The following COL23A1 variants were observed in gnomAD, a reference collection of about 807,000 sequenced individuals.
COL23A1 encodes the protein collagen alpha-1(XXIII) chain.
A neutral mutation model predicts 99.3 loss-of-function variants in COL23A1; 97 were observed. The observed-to-expected ratio is 0.98, with a 90% CI of 0.83 to 1.16. The LOEUF (loss-of-function observed/expected upper bound fraction) is 1.16, where lower values mean the gene tolerates loss of function less well. Among genes scored for constraint, COL23A1 ranks in the 50% most tolerant of loss-of-function variants. COL23A1 has a pLI of 0.00. For missense variants in COL23A1, 762 were observed against 757.4 expected, an observed-to-expected ratio of 1.01 and a Z score of -0.07; for synonymous variants, 320 against 308.2, an observed-to-expected ratio of 1.04 and a Z score of -0.40.
intron 2 of COL23A1, among the ~76,000 whole-genome samples, chr5:178,447,831 C>T (rs1767248652): frequency 1.3e-5 from 2 of 152,140 alleles, no homozygotes; most frequent in Non-Finnish European, 2.9e-5. Flanking sequence ...TGGTAGAGTA[C>T]TGCCTAGGCT....
chr5:178,543,068 G>A (rs1761379841), intron 2 of COL23A1, among the ~76,000 whole-genome samples: 2 of 151,872 alleles, frequency 1.3e-5, no homozygotes, highest in East Asian at 3.9e-4. Context: ...GTGTGTGTTC[G>A]AGGGTTGGAG....
At chr5:178,283,565 T>G (rs1757009635) in intron 5 of COL23A1, among the ~76,000 whole-genome samples, 1 of 152,216 alleles carries the variant, frequency 6.6e-6, no homozygotes. Context: ...GTAAGTACAT[T>G]AAATGATATC....
intron 2 of COL23A1, among the ~76,000 whole-genome samples, chr5:178,393,979 C>T (rs997872357): frequency 3.9e-5 from 6 of 152,206 alleles, no homozygotes; most frequent in South Asian, 2.1e-4. Flanking sequence ...GGGGAGGACC[C>T]ACCCCAACCC....
intron 2 of COL23A1, among the ~76,000 whole-genome samples, chr5:178,348,322 C>T (rs1356298186): frequency 2.6e-5 from 4 of 152,188 alleles, no homozygotes; most frequent in African/African-American, 7.2e-5. Flanking sequence ...AAAAGAACCC[C>T]TCCTCTACCT....
chr5:178,476,541 C>T (rs992260991), intron 2 of COL23A1, among the ~76,000 whole-genome samples: 1 of 152,176 alleles, frequency 6.6e-6, no homozygotes, highest in Admixed American at 6.5e-5. Context: ...ATCATATCCA[C>T]GGACCTGCCT....
rs534610713 is a variant in COL23A1, at chr5:178,310,588, C to T, written c.362-3669G>A. On this transcript the variant is annotated intron_variant, in intron 2 of 28. Coordinates refer to ENST00000390654, the MANE Select transcript of COL23A1 (RefSeq NM_173465.4). This position sits in a 1 kb window ranked among gnomAD's most constrained non-coding sequence, Gnocchi z 4.3. ...GGAGCCCTTCATAGTCTGTGGCTCC[C>T]AAGTGCAAGGACAGTTGTGTCCCAT... Among the ~76,000 whole-genome samples, 2 of 152,284 alleles carry T rather than the reference C, an allele frequency of 1.3e-5. No homozygotes were observed. The highest frequency in any genetic ancestry group is 3.9e-4 in the East Asian group (2 of 5,146).
chr5:178,270,555 T>C (rs1263104802), intron 5 of COL23A1, among the ~76,000 whole-genome samples, 192 bp from the exon 6 acceptor site: 1 of 152,084 alleles, frequency 6.6e-6, no homozygotes, highest in Non-Finnish European at 1.5e-5. Context: ...CAGAATCCCC[T>C]CCTCTGACAA....
intron 2 of COL23A1, among the ~76,000 whole-genome samples, chr5:178,332,355 A>G (rs1340929922): frequency 6.6e-6 from 1 of 152,146 alleles, no homozygotes; most frequent in Admixed American, 6.5e-5. Flanking sequence ...ACTCGGCAGA[A>G]TTGGGTGGGG....
intron 2 of COL23A1, among the ~76,000 whole-genome samples, chr5:178,358,759 GTGTGTATGTGTGTGTA>G (rs2060345558): frequency 6.9e-6 from 1 of 145,632 alleles, no homozygotes; most frequent in East Asian, 2.0e-4. Context: ...GTATCTGTGT[GTGTGTATGTGTGTGTA>G]TGTGTATGTG....
chr5:178,476,953 A>C lies in COL23A1; in HGVS notation c.361+83729T>G, dbSNP rs187352596. ...CAGGGTTTGAACCCAAAGTGTCAGAAAGTCAGGTTTCCAATCCTAGCTTTG... is the reference window on the plus strand; with the variant it reads ...CAGGGTTTGAACCCAAAGTGTCAGACAGTCAGGTTTCCAATCCTAGCTTTG... On this transcript the variant is annotated intron_variant, in intron 2 of 28. Transcript: ENST00000390654. Among the ~76,000 whole-genome samples, 160 of 152,352 alleles carry C rather than the reference A, an allele frequency of 1.1e-3. 1 individual carries two copies. Among genetic ancestry groups the C allele is most frequent in the Non-Finnish European group, 1.9e-3 (132 of 68,036 alleles).
intron 12 of COL23A1, 38 bp from the exon 13 acceptor site, chr5:178,257,605 T>C (rs774992804): frequency 6.5e-7 from 1 of 1,549,800 alleles, no homozygotes; most frequent in African/African-American, 1.4e-5. Context: ...GGTCAGACCC[T>C]CGGGTGGCCA....
rs746804621 is a variant in COL23A1 at position 178,309,087 on chromosome 5, G to T, written c.362-2168C>A. Among the ~76,000 whole-genome samples the T allele has an allele frequency of 1.3e-5, 2 of 152,354 alleles. No homozygotes were observed. The highest frequency in any genetic ancestry group is 4.8e-5 in the African/African-American group (2 of 41,582). On this transcript the variant is annotated intron_variant, in intron 2 of 28. Transcript: ENST00000390654. This position sits in a 1 kb window ranked among gnomAD's most constrained non-coding sequence, Gnocchi z 4.7. ...TGGGGGAAGTAGCCAGACTCTGCTAGATCCGAAGCAATGCAGCACTGTGCT... is the reference window on the plus strand; with the variant it reads ...TGGGGGAAGTAGCCAGACTCTGCTATATCCGAAGCAATGCAGCACTGTGCT...
At position 178,358,693 on chromosome 5, in the gene COL23A1, A is replaced by G. The variant is rs911517943; in HGVS notation, c.362-51774T>C. On this transcript the variant is annotated intron_variant, in intron 2 of 28. Transcript: ENST00000390654. ...CTAATGTGTATGTGTATGTGTGTGTATGTATGTGTATGTGTGTATGTGTGT... is the reference window on the plus strand; with the variant it reads ...CTAATGTGTATGTGTATGTGTGTGTGTGTATGTGTATGTGTGTATGTGTGT... Among the ~76,000 whole-genome samples, 61 of 133,062 alleles carry G rather than the reference A, an allele frequency of 4.6e-4. 2 individuals are homozygous for G. Among genetic ancestry groups the G allele is most frequent in the East Asian group, 1.2e-3 (5 of 4,212 alleles). The allele number at this position is 133,062 out of a possible 152,430, so 87.3% of individuals were successfully genotyped here.
intron 2 of COL23A1, among the ~76,000 whole-genome samples, chr5:178,547,028 G>A (rs551154639): frequency 6.6e-5 from 10 of 152,268 alleles, no homozygotes; most frequent in African/African-American, 2.2e-4. Context: ...TTCTGGGAGC[G>A]CCTGGGTCCA....
intron 2 of COL23A1, among the ~76,000 whole-genome samples, chr5:178,506,535 G>A (rs1758882963): frequency 6.6e-6 from 1 of 152,210 alleles, no homozygotes; most frequent in Non-Finnish European, 1.5e-5. Flanking sequence ...TCCGTGGGAG[G>A]TGGGAAGTAG....
intron 2 of COL23A1, among the ~76,000 whole-genome samples, chr5:178,523,068 A>G (rs1760040887): frequency 6.6e-6 from 1 of 151,160 alleles, no homozygotes; most frequent in African/African-American, 2.4e-5. Context: ...TGGGAGGCTG[A>G]GGCAGGCAGA....
intron 1 of COL23A1, among the ~76,000 whole-genome samples, chr5:178,571,340 T>C (rs1243617209): frequency 6.6e-6 from 1 of 151,960 alleles, no homozygotes; most frequent in Non-Finnish European, 1.5e-5. Flanking sequence ...CCAGCCTGGG[T>C]GACAGAGTGA....
At chr5:178,359,983 G>T (rs1044088880) in intron 2 of COL23A1, among the ~76,000 whole-genome samples, 1 of 152,216 alleles carries the variant, frequency 6.6e-6, no homozygotes, top group Non-Finnish European at 1.5e-5. Context: ...GAGCGGAAAA[G>T]CTTTTCCTGA....
chr5:178,564,213 G>A (rs1029470430), intron 1 of COL23A1, among the ~76,000 whole-genome samples: 1 of 152,160 alleles, frequency 6.6e-6, no homozygotes, highest in African/African-American at 2.4e-5. Context: ...AGGTTACTGG[G>A]ATTGTGCTGG....
Sources: allele counts gnomAD v4.1 joint callset (sites outside exome capture counted in the v4.1 genomes callset), GRCh38; gene constraint gnomAD v4.1.1; non-coding constraint Gnocchi (gnomAD v3.1); transcripts MANE v1.5; gene names NCBI Gene and HGNC (gene_info 2026-07-23, HGNC 2026-07-21).